Variants in STK39 observed in about 807,000 individuals in gnomAD.
The protein encoded by STK39 is STE20/SPS1-related proline-alanine-rich protein kinase.
A neutral mutation model predicts 77.8 loss-of-function variants in STK39; 20 were observed. That is an observed-to-expected ratio of 0.26 (90% CI 0.18 to 0.37). STK39 has a LOEUF of 0.37. STK39 is among the 10% of genes least tolerant of loss of function. The pLI is 1.00. For missense variants in STK39, 479 were observed against 656.5 expected (o/e 0.73, Z 2.95); for synonymous variants, 246 against 234.1 (o/e 1.05, Z -0.47).
At chr2:168,030,082 A>G (rs1684796269) in intron 14 of STK39, among the ~76,000 whole-genome samples, 1 of 150,080 alleles carries the variant, frequency 6.7e-6, no homozygotes, top group African/African-American at 2.5e-5. Context: ...CTACTAAAAA[A>G]TACAAAAAAT....
intron 16 of STK39, 27 bp downstream of exon 16, chr2:168,012,607 G>C: frequency 1.3e-6 from 2 of 1,596,854 alleles, no homozygotes; most frequent in Non-Finnish European, 1.7e-6. Context: ...CCAACAAAAT[G>C]ACAGTGCATA....
chr2:168,065,197 C>T, intron 13 of STK39, 122 bp downstream of exon 13: 2 of 977,874 alleles, frequency 2.0e-6, no homozygotes, highest in Non-Finnish European at 3.1e-6. Context: ...TTTAAAAAGA[C>T]AGCTTATAAG....
intron 14 of STK39, among the ~76,000 whole-genome samples, chr2:168,038,132 G>T (rs920684627): frequency 6.6e-6 from 1 of 152,078 alleles, no homozygotes; most frequent in Non-Finnish European, 1.5e-5. Context: ...ATACAAAGCC[G>T]AGTCTATGGT....
chr2:167,984,874 AAATGAAAAGC>A (rs1484802370), intron 16 of STK39, among the ~76,000 whole-genome samples: 2 of 152,210 alleles, frequency 1.3e-5, no homozygotes, highest in Non-Finnish European at 2.9e-5. Flanking sequence ...ATACATTTTC[AAATGAAAAGC>A]TTTATGCACA....
intron 1 of STK39, among the ~76,000 whole-genome samples, chr2:168,193,561 T>C (rs1324062552): frequency 6.6e-6 from 1 of 152,220 alleles, no homozygotes; most frequent in Non-Finnish European, 1.5e-5. Flanking sequence ...CTGCAGTCTC[T>C]GCCTCCAGCA....
At chr2:168,023,848 G>C (rs74447936) in intron 14 of STK39, among the ~76,000 whole-genome samples, 1 of 152,116 alleles carries the variant, frequency 6.6e-6, no homozygotes, top group African/African-American at 2.4e-5. Flanking sequence ...CTCTGTAAGA[G>C]TGCCAGGGAT....
chr2:168,169,928 T>C (rs1419487424), intron 2 of STK39, among the ~76,000 whole-genome samples: 1 of 135,928 alleles, frequency 7.4e-6, no homozygotes, highest in Admixed American at 7.4e-5. Flanking sequence ...AGCTGAGCCA[T>C]CCCTCTTCAC....
chr2:168,058,577 T>C (rs926689302), intron 14 of STK39, among the ~76,000 whole-genome samples: 2 of 152,218 alleles, frequency 1.3e-5, no homozygotes, highest in African/African-American at 4.8e-5. Flanking sequence ...CAACTCACGC[T>C]TAACATGTGC....
At chr2:168,108,588 G>A (rs573023914) in intron 10 of STK39, among the ~76,000 whole-genome samples, 17 of 151,688 alleles carry the variant, frequency 1.1e-4, no homozygotes, top group Admixed American at 5.9e-4. Flanking sequence ...AAAAAGAAAC[G>A]ATGGGGTACT....
chr2:168,043,758 C>T (rs1685168231), intron 14 of STK39, among the ~76,000 whole-genome samples: 2 of 152,206 alleles, frequency 1.3e-5, no homozygotes, highest in Non-Finnish European at 2.9e-5. Context: ...AGATTTTGAT[C>T]ATCTCACAAT....
chr2:168,127,973 C>T (rs940823993), intron 10 of STK39, among the ~76,000 whole-genome samples: 6 of 151,824 alleles, frequency 4.0e-5, no homozygotes, highest in Non-Finnish European at 7.4e-5. Flanking sequence ...CTGGGGGGCT[C>T]GGAAAGAAAT....
rs775507627 is a variant in STK39 at position 168,136,367 on chromosome 2, CAAAAAAA to C, written c.974+1714_974+1720del. On this transcript the variant is annotated intron_variant, in intron 8 of 17. Transcript: ENST00000355999. ...CCAGTGACAGAGCAAGACTCCGTCT[CAAAAAAA>C]AAAAAAAAAGAAAAGAAATAAAAAG... is the stretch of plus-strand genomic sequence containing the variant. Among the ~76,000 whole-genome samples the C allele has an allele frequency of 1.1e-4, 7 of 64,856 alleles. No homozygotes were observed. In the East Asian group the frequency reaches 3.0e-3, roughly 28 times the overall value. The allele number at this position is 64,856 out of a possible 152,430, so 42.5% of individuals were successfully genotyped here.
intron 14 of STK39, among the ~76,000 whole-genome samples, chr2:168,028,159 A>G (rs1304450216): frequency 1.3e-5 from 2 of 152,194 alleles, no homozygotes; most frequent in East Asian, 1.9e-4. Flanking sequence ...TCTCTATTAC[A>G]TAATAGTTTC....
intron 16 of STK39, among the ~76,000 whole-genome samples, chr2:167,966,686 T>C (rs1246004812): frequency 6.6e-6 from 1 of 152,210 alleles, no homozygotes; most frequent in Non-Finnish European, 1.5e-5. Context: ...AAGATGGAGC[T>C]GCCTGCATCT....
intron 5 of STK39, among the ~76,000 whole-genome samples, chr2:168,150,422 C>T (rs995060021): frequency 6.6e-5 from 10 of 152,076 alleles, no homozygotes; most frequent in African/African-American, 1.9e-4. Context: ...CATGGCACAC[C>T]TCTTTGGGAA....
At chr2:168,209,691 C>T (rs1689835069) in intron 1 of STK39, among the ~76,000 whole-genome samples, 1 of 150,924 alleles carries the variant, frequency 6.6e-6, no homozygotes, top group South Asian at 2.1e-4. Flanking sequence ...CAGAAACAAA[C>T]GAAAAGAAAG....
chr2:168,056,263 T>C (rs956549915), intron 14 of STK39, among the ~76,000 whole-genome samples: 3 of 152,070 alleles, frequency 2.0e-5, no homozygotes, highest in Non-Finnish European at 4.4e-5. Context: ...ATTTGTCTTT[T>C]CTCCTAGAGT....
intron 1 of STK39, among the ~76,000 whole-genome samples, chr2:168,191,007 T>C (rs1689326517): frequency 6.6e-6 from 1 of 152,218 alleles, no homozygotes; most frequent in Non-Finnish European, 1.5e-5. Context: ...ACAAGTGTCC[T>C]GGTTTGAATA....
chr2:168,146,208 A>G lies in STK39; in HGVS notation c.629-5450T>C, dbSNP rs578087917. ...ACTGGGATTTCCTTGAGCTTACAGA[A>G]CAAATTGTGAGAACTGTTTAGGGGC... On this transcript the variant is annotated intron_variant, in intron 5 of 17. Coordinates refer to ENST00000355999, the MANE Select transcript of STK39 (RefSeq NM_013233.3). Among the ~76,000 whole-genome samples, 2 of 152,358 alleles carry G rather than the reference A, an allele frequency of 1.3e-5. 1 individual carries two copies. The highest frequency in any genetic ancestry group is 4.1e-4 in the South Asian group (2 of 4,828).
Sources: gnomAD v4.1 joint callset for allele counts (sites outside exome capture counted in the v4.1 genomes callset) on GRCh38, gnomAD v4.1.1 for gene constraint, MANE v1.5 for transcripts, NCBI Gene and HGNC (gene_info 2026-07-23, HGNC 2026-07-21) for gene names.